The following LRP1B variants were observed in gnomAD, a reference collection of about 807,000 sequenced individuals.
LRP1B encodes the protein LDL receptor related protein 1B, also known as low-density lipoprotein receptor-related protein 1B.
Under a neutral mutation model 556.6 loss-of-function variants are expected in LRP1B, and 217 were observed. The observed-to-expected ratio is 0.39, with a 90% confidence interval of 0.35 to 0.44. The LOEUF (loss-of-function observed/expected upper bound fraction) is 0.44. Among genes scored for constraint, LRP1B ranks in the 20% least tolerant of loss-of-function variants. LRP1B has a pLI of 1.00. For missense variants in LRP1B, 5,053 were observed against 5,620.8 expected, an observed-to-expected ratio of 0.90 and a Z score of 3.23; for synonymous variants, 2,047 against 1,865.8, an observed-to-expected ratio of 1.10 and a Z score of -2.50.
At chr2:140,895,227 T>A (rs1269375583) in intron 23 of LRP1B, among the ~76,000 whole-genome samples, 2 of 152,078 alleles carry the variant, frequency 1.3e-5, no homozygotes, top group African/African-American at 4.8e-5. Flanking sequence ...AACAAAAAAA[T>A]GTGAAAATAC....
intron 1 of LRP1B, among the ~76,000 whole-genome samples, chr2:142,067,547 G>T (rs191393796): frequency 6.6e-6 from 1 of 151,632 alleles, no homozygotes; most frequent in Admixed American, 6.6e-5. Flanking sequence ...CAAAGTGGAA[G>T]TCATCCCTTA....
intron 37 of LRP1B, among the ~76,000 whole-genome samples, chr2:140,713,988 G>A (rs1212419718): frequency 6.6e-6 from 1 of 152,042 alleles, no homozygotes; most frequent in Non-Finnish European, 1.5e-5. Flanking sequence ...ACTTCAACAT[G>A]ACATTTGGAT....
At chr2:141,942,910 T>G (rs1466131106) in intron 1 of LRP1B, among the ~76,000 whole-genome samples, 1 of 152,206 alleles carries the variant, frequency 6.6e-6, no homozygotes, top group African/African-American at 2.4e-5. Context: ...ATGGGGTTTT[T>G]GGTATTGTTC....
chr2:140,556,016 G>A (rs918072892), intron 43 of LRP1B, among the ~76,000 whole-genome samples: 7 of 152,032 alleles, frequency 4.6e-5, no homozygotes, highest in African/African-American at 1.7e-4. Flanking sequence ...AGTAGATGAA[G>A]TTACCCTGAT....
At position 140,525,837 on chromosome 2, in the gene LRP1B, G is replaced by C. The variant is rs775790378; in HGVS notation, c.8026+7C>G. On this transcript the variant is annotated splice_region_variant and intron_variant, in intron 49 of 90. Transcript: ENST00000389484. The stretch of plus-strand genomic sequence containing the variant: ...AAAGCCTGTGTTTTTCTAAATTCTA[G>C]TATTACCTGGGCACTTTAATTCATC... 3 of 1,609,460 alleles carry C rather than the reference G, an allele frequency of 1.9e-6. No homozygotes were observed. Among genetic ancestry groups the C allele is most frequent in the Non-Finnish European group, 2.5e-6 (3 of 1,177,720 alleles).
intron 7 of LRP1B, among the ~76,000 whole-genome samples, chr2:141,142,510 T>C (rs1035966983): frequency 1.1e-4 from 17 of 152,196 alleles, no homozygotes; most frequent in African/African-American, 4.1e-4. Context: ...CAGAAAATTA[T>C]GGTATCTGCC....
At position 140,701,792 on chromosome 2, in the gene LRP1B, G is replaced by C. The variant is rs147598746; in HGVS notation, c.6356C>G (p.Thr2119Arg). 3 of 1,612,986 alleles carry C rather than the reference G, an allele frequency of 1.9e-6. No individual in the cohort carries two copies. Among genetic ancestry groups the C allele is most frequent in the African/African-American group, 2.7e-5 (2 of 74,816 alleles). ...RRGHKNDATETITMRTGLGVN... is the reference protein window; with the variant it reads ...RRGHKNDATERITMRTGLGVN... ...TCCAAGGCCGGTTCTCATGGTTATC[G>C]TTTCTGTGGCATCATTCTTGTGGCC... is the stretch of plus-strand genomic sequence containing the variant. Residue 2119 changes from threonine (T) to arginine (R), a missense_variant, in exon 40 of 91, where the codon ACG becomes AGG. Physicochemically the swap from Thr to Arg is moderately conservative, Grantham distance 71. This residue lies in a region of LRP1B where 3,619 missense variants were observed against 3,931.9 expected (regional missense o/e 0.92). Transcript: ENST00000389484.
rs754217662 is a variant in LRP1B, at chr2:140,335,204, A to ATATATATG, written c.12116+410_12116+411insCATATATA. ...TGTGTGTGTGCATGTGTATATATAT[A>ATATATATG]TGTGTGTGTGTGTGTACCTTCATCT... is the stretch of plus-strand genomic sequence containing the variant. On this transcript the variant is annotated intron_variant, in intron 78 of 90. Coordinates refer to ENST00000389484, the MANE Select transcript of LRP1B (RefSeq NM_018557.3). Among the ~76,000 whole-genome samples, 176 of 151,326 alleles carry ATATATATG rather than the reference A, an allele frequency of 1.2e-3. 1 individual carries two copies. Among genetic ancestry groups the ATATATATG allele is most frequent in the African/African-American group, 3.5e-3 (145 of 41,248 alleles).
intron 3 of LRP1B, among the ~76,000 whole-genome samples, chr2:141,417,364 C>T (rs769566071): frequency 1.3e-5 from 2 of 152,130 alleles, no homozygotes; most frequent in African/African-American, 4.8e-5. Flanking sequence ...TTTCTGTATC[C>T]ACTCAATAGC....
At chr2:140,470,369 CG>C (rs1687710639) in intron 60 of LRP1B, among the ~76,000 whole-genome samples, 2 of 151,926 alleles carry the variant, frequency 1.3e-5, no homozygotes, top group Admixed American at 1.3e-4. Context: ...TTGGGCCGGG[CG>C]TGGTGGCTCA....
chr2:140,596,011 T>C (rs1558992718), intron 43 of LRP1B, among the ~76,000 whole-genome samples: 1 of 152,190 alleles, frequency 6.6e-6, no homozygotes, highest in African/African-American at 2.4e-5. Flanking sequence ...CCTTCCCTGA[T>C]TGCACTATTT....
chr2:141,538,695 A>C (rs1209213404), intron 2 of LRP1B, among the ~76,000 whole-genome samples: 2 of 151,210 alleles, frequency 1.3e-5, no homozygotes, highest in Non-Finnish European at 2.9e-5. Context: ...GGAGTGCAGC[A>C]GCACAATGAT....
intron 2 of LRP1B, among the ~76,000 whole-genome samples, chr2:141,648,922 T>C (rs1689682983): frequency 6.6e-6 from 1 of 152,252 alleles, no homozygotes; most frequent in Non-Finnish European, 1.5e-5. Context: ...TACACAATTC[T>C]GCTTATAGCA....
intron 82 of LRP1B, among the ~76,000 whole-genome samples, chr2:140,317,919 T>C (rs568537827): frequency 6.6e-6 from 1 of 152,198 alleles, no homozygotes; most frequent in East Asian, 1.9e-4. Flanking sequence ...CTCATAATAA[T>C]GGTTCTATAA....
At chr2:140,853,063 G>A (rs539425516) in intron 27 of LRP1B, among the ~76,000 whole-genome samples, 63 of 151,964 alleles carry the variant, frequency 4.1e-4, no homozygotes, top group African/African-American at 1.4e-3. Context: ...TGCCCAATAT[G>A]CCACCTTTGC....
At chr2:141,281,790 G>T (rs948222621) in intron 3 of LRP1B, among the ~76,000 whole-genome samples, 1 of 152,066 alleles carries the variant, frequency 6.6e-6, no homozygotes, top group Admixed American at 6.5e-5. Context: ...ATAGTAGTTA[G>T]AAACATAAGC....
At position 141,047,415 on chromosome 2, in the gene LRP1B, T is replaced by C. The variant is rs79720876; in HGVS notation, c.1789+1571A>G. Among the ~76,000 whole-genome samples the C allele has an allele frequency of 9.2e-3, 1,404 of 152,202 alleles. 17 individuals carry two copies. The highest frequency in any genetic ancestry group is 0.031 in the African/African-American group (1,285 of 41,552). On this transcript the variant is annotated intron_variant, in intron 11 of 90. Coordinates refer to ENST00000389484, the MANE Select transcript of LRP1B (RefSeq NM_018557.3). The stretch of plus-strand genomic sequence containing the variant: ...GTAAAGTTGTGTTGAATGAAGAATA[T>C]TCTCATGCTCTCATTTCCTCTAAAA...
At chr2:140,900,067 C>T (rs757160281) in intron 23 of LRP1B, among the ~76,000 whole-genome samples, 30 of 152,150 alleles carry the variant, frequency 2.0e-4, no homozygotes, top group Middle Eastern at 3.4e-3. Flanking sequence ...CATCTATGAC[C>T]CTTATTATGG....
intron 1 of LRP1B, among the ~76,000 whole-genome samples, chr2:141,862,827 C>T (rs959415873): frequency 1.3e-5 from 2 of 152,190 alleles, no homozygotes; most frequent in Admixed American, 6.5e-5. Context: ...TGGAAGCATT[C>T]TCTTAGAGAA....
Sources: gnomAD v4.1 joint callset for allele counts (sites outside exome capture counted in the v4.1 genomes callset) on GRCh38, gnomAD v4.1.1 for gene constraint, gnomAD v4.1.1 regional missense constraint, MANE v1.5 for transcripts, NCBI Gene and HGNC (gene_info 2026-07-23, HGNC 2026-07-21) for gene names.